CACNA1B: variants seen among roughly 807,000 people sequenced by gnomAD.
CACNA1B encodes voltage-dependent N-type calcium channel subunit alpha-1B.
A neutral mutation model predicts 247.2 loss-of-function variants in CACNA1B; 70 were observed. The observed-to-expected ratio is 0.28, with a 90% CI of 0.23 to 0.35. The LOEUF is 0.35. CACNA1B is among the 10% of genes least tolerant of loss of function. CACNA1B has a pLI of 1.00. For missense variants in CACNA1B, 2,367 were observed against 3,197.4 expected (o/e 0.74, Z 6.26); for synonymous variants, 1,231 against 1,294.4 (o/e 0.95, Z 1.05).
chr9:138,039,091 G>C (rs1191963866), intron 20 of CACNA1B, among the ~76,000 whole-genome samples: 1 of 152,068 alleles, frequency 6.6e-6, no homozygotes, highest in Non-Finnish European at 1.5e-5. Flanking sequence ...AGCTACTCAG[G>C]AGGCTGAGAC....
At position 138,078,237 on chromosome 9, in the gene CACNA1B, C is replaced by T. The variant is rs1960396341; in HGVS notation, c.5073C>T (p.Phe1691=). ...TTGCCTACTTCTACTTCGTCTCCTT[C>T]ATCTTCCTGTGCTCCTTTCTGGTGA... The part of the protein sequence containing the change: ...SDFAYFYFVS[F]IFLCSFLMLN... Residue 1691 remains phenylalanine (F), a synonymous_variant, in exon 36 of 47, where the codon TTC becomes TTT. Transcript: ENST00000371372. 1 of 1,613,902 alleles carries T rather than the reference C, an allele frequency of 6.2e-7. No individual in the cohort carries two copies. The highest frequency in any genetic ancestry group is 8.5e-7 in the Non-Finnish European group (1 of 1,179,898).
At chr9:138,076,959 T>C (rs1350106846) in intron 35 of CACNA1B, among the ~76,000 whole-genome samples, 2 of 152,254 alleles carry the variant, frequency 1.3e-5, no homozygotes, top group East Asian at 1.9e-4. Context: ...GTTGTTTGGC[T>C]GGGCTTTAGC....
At position 137,909,987 on chromosome 9, in the gene CACNA1B, T is replaced by G. The variant is rs190337960; in HGVS notation, c.531-3193T>G. Among the ~76,000 whole-genome samples the G allele has an allele frequency of 1.1e-3, 163 of 152,218 alleles. 3 individuals are homozygous for G. The highest frequency in any genetic ancestry group is 3.3e-3 in the African/African-American group (135 of 41,526). ...CATTTCACCATGTTGGCCAGGCTGG[T>G]TTTGAACTTCTGACCTCAGGTGATC... On this transcript the variant is annotated intron_variant, in intron 3 of 46. Transcript: ENST00000371372.
In CACNA1B at chr9:138,020,869, C is replaced by T. The variant is rs1490414087; in HGVS notation, c.2268-2142C>T. ...GCTATATGGTCTGGAGCCCACCCCA[C>T]CTTCACACAGACCCTGTGCCTCTGC... On this transcript the variant is annotated intron_variant, in intron 18 of 46. Transcript: ENST00000371372. The surrounding 1 kb of genome is among the most constrained non-coding windows in gnomAD (Gnocchi z 4.1). 6.6e-6 allele frequency among the ~76,000 whole-genome samples: 1 copy of T among 152,234 alleles called. No individual in the cohort carries two copies. Among genetic ancestry groups the T allele is most frequent in the Non-Finnish European group, 1.5e-5 (1 of 68,030 alleles).
rs1259968636 is a variant in CACNA1B at position 137,996,893 on chromosome 9, T to TCACTTCTGCAAAC, written c.1975-9874_1975-9873insCACTTCTGCAAAC. On this transcript the variant is annotated intron_variant, in intron 15 of 46. Transcript: ENST00000371372. ...GAAAAATACAGATCACTTCTGCAAA[T>TCACTTCTGCAAAC]ACAGATCACTTCTGCAAACACAGAA... Among the ~76,000 whole-genome samples the TCACTTCTGCAAAC allele has an allele frequency of 3.9e-3, 596 of 152,246 alleles. 2 individuals carry two copies. Among genetic ancestry groups the TCACTTCTGCAAAC allele is most frequent in the African/African-American group, 0.014 (565 of 41,538 alleles).
At position 138,120,567 on chromosome 9, in the gene CACNA1B, G is replaced by C. The variant is rs2278971; in HGVS notation, c.6239-64G>C. ...CACCACCTGAATTCTGTCCTGCTGG[G>C]CCCGGGGGTCAGGGGTCCCTGCCTT... On this transcript the variant is annotated intron_variant, in intron 45 of 46. Coordinates refer to ENST00000371372, the MANE Select transcript of CACNA1B (RefSeq NM_000718.4). The C allele has an allele frequency of 0.36, 524,394 of 1,452,748 alleles. 97,403 individuals are homozygous for C. Among genetic ancestry groups the C allele is most frequent in the Middle Eastern group, 0.51 (2,005 of 3,908 alleles). 90.0% of individuals were successfully genotyped at this position (1,452,748 alleles called of 1,614,324 possible).
At position 137,952,688 on chromosome 9, in the gene CACNA1B, G is replaced by T. The variant is rs1470774113; in HGVS notation, c.1070+311G>T. ...CTGTAATGGGAGGTTGGTCTGGGGG[G>T]ATGGGAGGTGTGGTCTGTAATGGGA... On this transcript the variant is annotated intron_variant, in intron 7 of 46. Coordinates refer to ENST00000371372, the MANE Select transcript of CACNA1B (RefSeq NM_000718.4). The surrounding 1 kb of genome is among the most constrained non-coding windows in gnomAD (Gnocchi z 4.8). 1.6e-5 allele frequency among the ~76,000 whole-genome samples: 2 copies of T among 124,588 alleles called. No individual in the cohort carries two copies. The highest frequency in any genetic ancestry group is 3.2e-5 in the Non-Finnish European group (2 of 62,380). 81.7% of individuals were successfully genotyped at this position (124,588 alleles called of 152,430 possible). A position where few individuals can be genotyped will look rare whatever the true frequency, so the allele number is the denominator to read the frequency against.
intron 44 of CACNA1B, among the ~76,000 whole-genome samples, chr9:138,119,395 G>A (rs541712976): frequency 2.4e-4 from 36 of 152,156 alleles, no homozygotes; most frequent in Non-Finnish European, 4.4e-4. Flanking sequence ...CCCGGCCTCC[G>A]AGGCCTCGGA....
chr9:137,916,512 G>A (rs538038009), intron 5 of CACNA1B, among the ~76,000 whole-genome samples: 14 of 152,258 alleles, frequency 9.2e-5, no homozygotes, highest in East Asian at 3.9e-4. Flanking sequence ...AAGGATGTCC[G>A]CCCTGTAGGG....
chr9:138,101,811 C>G (rs918713532), intron 37 of CACNA1B, among the ~76,000 whole-genome samples: 1 of 152,254 alleles, frequency 6.6e-6, no homozygotes, highest in Non-Finnish European at 1.5e-5. Flanking sequence ...CCCTTTCTCT[C>G]CTGGGCCACC....
intron 21 of CACNA1B, among the ~76,000 whole-genome samples, chr9:138,046,001 T>C (rs1165265067): frequency 6.6e-6 from 1 of 152,108 alleles, no homozygotes; most frequent in Non-Finnish European, 1.5e-5. Flanking sequence ...ATGGGGGCCG[T>C]CTGCCCCACC....
At chr9:138,062,935 G>A (rs960715107) in intron 31 of CACNA1B, among the ~76,000 whole-genome samples, 1 of 152,258 alleles carries the variant, frequency 6.6e-6, no homozygotes, top group African/African-American at 2.4e-5. Flanking sequence ...CGCAGTAGAA[G>A]TGTGAGGTGC....
At chr9:137,956,511 A>G (rs772396604) in intron 8 of CACNA1B, among the ~76,000 whole-genome samples, 2 of 152,148 alleles carry the variant, frequency 1.3e-5, no homozygotes, top group African/African-American at 2.4e-5. Flanking sequence ...TACAAAAATT[A>G]GCCGGGCATG....
At chr9:138,118,869 AG>A in intron 44 of CACNA1B, 101 bp downstream of exon 44, 1 of 653,022 alleles carries the variant, frequency 1.5e-6, no homozygotes, top group Non-Finnish European at 2.7e-6. Flanking sequence ...GAGCTGGGGT[AG>A]AGAGGCTGGG....
At chr9:138,053,763 G>A (rs546163140) in intron 25 of CACNA1B, 83 bp from the exon 26 acceptor site, 18 of 364,548 alleles carry the variant, frequency 4.9e-5, no homozygotes, top group East Asian at 1.9e-4. Context: ...ACCCCTCCCC[G>A]TGACCCTACC....
intron 15 of CACNA1B, among the ~76,000 whole-genome samples, chr9:137,988,816 G>A (rs1159766962): frequency 6.6e-6 from 1 of 152,184 alleles, no homozygotes; most frequent in African/African-American, 2.4e-5. Flanking sequence ...GGCTGAGGAG[G>A]GGTGAAGGCT....
chr9:138,106,948 A>C (rs897737047), intron 39 of CACNA1B, among the ~76,000 whole-genome samples: 11 of 152,132 alleles, frequency 7.2e-5, no homozygotes, highest in Non-Finnish European at 1.5e-4. Context: ...GCTGAGGCAC[A>C]TCCCCAGCTC....
rs1235902681 is a variant in CACNA1B, at chr9:138,121,837, C to A, written c.6858C>A (p.Thr2286=). Residue 2286 remains threonine, a synonymous_variant, in exon 47 of 47, where the codon ACC becomes ACA. Transcript: ENST00000371372. This position sits in a 1 kb window ranked among gnomAD's most constrained non-coding sequence, Gnocchi z 6.8. ...DTLTFEEAVA[T]NSGRSSRTSY... is the part of the protein sequence containing the mutation. Reference sequence around the variant, plus strand: ...TCACTTTCGAGGAGGCTGTGGCCACCAACTCGGGCCGCTCCTCCAGGACTT... The same window carrying A: ...TCACTTTCGAGGAGGCTGTGGCCACAAACTCGGGCCGCTCCTCCAGGACTT... The A allele has an allele frequency of 6.2e-7, 1 of 1,613,236 alleles. No homozygotes were observed. Among genetic ancestry groups the A allele is most frequent in the Admixed American group, 1.7e-5 (1 of 60,008 alleles).
At chr9:137,939,247 C>T (rs2133316080) in intron 6 of CACNA1B, among the ~76,000 whole-genome samples, 1 of 152,216 alleles carries the variant, frequency 6.6e-6, no homozygotes, top group Admixed American at 6.5e-5. Context: ...AACATTCTAG[C>T]CAACAACTAC....
Sources: allele counts gnomAD v4.1 joint callset (sites outside exome capture counted in the v4.1 genomes callset), GRCh38; gene constraint gnomAD v4.1.1; non-coding constraint Gnocchi (gnomAD v3.1); transcripts MANE v1.5; gene names NCBI Gene and HGNC (gene_info 2026-07-23, HGNC 2026-07-21).